NFASC: variants seen among roughly 807,000 people sequenced by gnomAD.
NFASC encodes the protein neurofascin.
In NFASC, 43 loss-of-function variants were observed where a neutral mutation model predicts 147.5. That is an observed-to-expected ratio of 0.29 (90% confidence interval 0.23 to 0.38). The LOEUF (loss-of-function observed/expected upper bound fraction) is 0.38. Ranked by LOEUF, NFASC falls within the 10% of genes least tolerant of loss-of-function variation. The pLI is 1.00. For missense variants in NFASC, 1,320 were observed against 1,689.0 expected (o/e 0.78, Z 3.83); for synonymous variants, 622 against 665.5 (o/e 0.93, Z 1.01).
At position 204,884,915 on chromosome 1, in the gene NFASC, G is replaced by A. The variant is rs75472603; in HGVS notation, c.-199-35717G>A. ...GAGAGAGAATCACACAGGAAAGAGA[G>A]GATGTGCCAAACTAAGATTGAGAGA... On this transcript the variant is annotated intron_variant, in intron 1 of 29. Transcript: ENST00000339876. 6.9e-3 allele frequency among the ~76,000 whole-genome samples: 1,057 copies of A among 152,268 alleles called. 6 individuals are homozygous for A. The highest frequency in any genetic ancestry group is 0.012 in the Non-Finnish European group (842 of 68,018).
Position 204,968,314 on chromosome 1 carries a change from G to A in NFASC, c.772G>A (p.Val258Met). 3.1e-6 allele frequency: 5 copies of A among 1,614,224 alleles called. No individual in the cohort carries two copies. The highest frequency in any genetic ancestry group is 4.2e-6 in the Non-Finnish European group (5 of 1,180,036). ...CCAGGGCACCGCGAGCAGCCAGATG[G>A]TGCTTCGTGGCATGGACCTCCTGCT... is the stretch of plus-strand genomic sequence containing the variant. ...YPQGTASSQM[V>M]LRGMDLLLEC... The change falls in exon 9 of 30, where the codon GTG becomes ATG. Residue 258 changes from valine to methionine, a missense_variant. Around this residue, in one of 3 missense-constraint regions of NFASC, gnomAD observed 981 missense variants for 1,289.5 expected, o/e 0.76. Transcript: ENST00000339876. The surrounding 1 kb of genome is among the most constrained non-coding windows in gnomAD (Gnocchi z 5.4).
At chr1:204,978,929 T>C (rs1162560661) in intron 17 of NFASC, 39 bp from the exon 18 acceptor site, 1 of 1,484,750 alleles carries the variant, frequency 6.7e-7, no homozygotes, top group East Asian at 2.5e-5. Context: ...GTGGACCTGC[T>C]CTAACTCAGG....
At chr1:204,953,383 A>G (rs901217087) in intron 5 of NFASC, among the ~76,000 whole-genome samples, 3 of 152,132 alleles carry the variant, frequency 2.0e-5, no homozygotes, top group African/African-American at 7.2e-5. Flanking sequence ...TGCAAGCTCC[A>G]CTTCCCGGGT....
At chr1:204,996,614 T>TA (rs2095849731) in intron 24 of NFASC, among the ~76,000 whole-genome samples, 1 of 152,098 alleles carries the variant, frequency 6.6e-6, no homozygotes, top group Non-Finnish European at 1.5e-5. Flanking sequence ...AGAGTGGAGA[T>TA]TGTTCCCTCT....
At chr1:204,999,974 G>A (rs988899344) in intron 25 of NFASC, 5 of 152,176 alleles carry the variant, frequency 3.3e-5, no homozygotes, top group African/African-American at 9.7e-5. Context: ...GGAAAATGGG[G>A]TAACCAGACT....
chr1:204,883,853 A>T (rs2080802372), intron 1 of NFASC, among the ~76,000 whole-genome samples: 1 of 152,172 alleles, frequency 6.6e-6, no homozygotes, highest in Admixed American at 6.5e-5. Context: ...TGCTGCAGGG[A>T]TGAGTGGTGC....
At chr1:204,843,835 C>T in intron 1 of NFASC, among the ~76,000 whole-genome samples, 1 of 152,076 alleles carries the variant, frequency 6.6e-6, no homozygotes, top group Non-Finnish European at 1.5e-5. Flanking sequence ...CCTTAGCCTC[C>T]CGAGTAGCTG....
At chr1:204,970,342 T>C (rs1416680346) in intron 10 of NFASC, among the ~76,000 whole-genome samples, 1 of 150,746 alleles carries the variant, frequency 6.6e-6, no homozygotes, top group African/African-American at 2.5e-5. Context: ...CATCCCTTTT[T>C]TTAAAAAAAG....
In NFASC at chr1:204,975,369, C is replaced by T. The variant is rs138252161; in HGVS notation, c.1657C>T (p.Leu553Phe). 14 of 1,614,004 alleles carry T rather than the reference C, an allele frequency of 8.7e-6. No homozygotes were observed. The highest frequency in any genetic ancestry group is 1.3e-5 in the African/African-American group (1 of 74,928). ...CRVKHDPSLK[L>F]TVSWLKDDEP... is the part of the protein sequence containing the mutation. Reference sequence around the variant, plus strand: ...GGTGAAGCACGACCCCTCCCTGAAACTCACCGTCTCCTGGCTGAAGGATGA... The same window carrying T: ...GGTGAAGCACGACCCCTCCCTGAAATTCACCGTCTCCTGGCTGAAGGATGA... The change falls in exon 15 of 30, where the codon CTC (leucine) becomes TTC (phenylalanine). Residue 553 changes from leucine to phenylalanine, a missense_variant. By Grantham distance (22) the Leu-to-Phe change is conservative. Coordinates refer to ENST00000339876, the MANE Select transcript of NFASC (RefSeq NM_001005388.3). The surrounding 1 kb of genome is among the most constrained non-coding windows in gnomAD (Gnocchi z 4.0).
rs575185664 is a variant in NFASC at position 204,982,039 on chromosome 1, G to C, written c.2470+19G>C. The C allele has an allele frequency of 6.1e-6, 9 of 1,485,332 alleles. No individual in the cohort carries two copies. Among genetic ancestry groups the C allele is most frequent in the Non-Finnish European group, 8.1e-6 (9 of 1,104,612 alleles). 92.0% of individuals were successfully genotyped at this position (1,485,332 alleles called of 1,614,324 possible). A position where few individuals can be genotyped will look rare whatever the true frequency, so the allele number is the denominator to read the frequency against. Reference sequence around the variant, plus strand: ...GAAGATTGTGAGTAGTCTCCTCCCCGTCCCCCCATCAGGACCCTTGTGGCT... The same window carrying C: ...GAAGATTGTGAGTAGTCTCCTCCCCCTCCCCCCATCAGGACCCTTGTGGCT... On this transcript the variant is annotated intron_variant, in intron 21 of 29. Coordinates refer to ENST00000339876, the MANE Select transcript of NFASC (RefSeq NM_001005388.3).
In NFASC at chr1:204,865,508, C is replaced by T. The variant is rs1413041978; in HGVS notation, c.-200+36726C>T. On this transcript the variant is annotated intron_variant, in intron 1 of 29. Transcript: ENST00000339876. ...TCTTTTGATGTGGAAATACAGTTTT[C>T]CTAGCACCATTTGTTGAAGAAACTG... Among the ~76,000 whole-genome samples, 6 of 152,266 alleles carry T rather than the reference C, an allele frequency of 3.9e-5. No homozygotes were observed. In the South Asian group the frequency reaches 8.3e-4, roughly 21 times the overall value.
At position 205,016,467 on chromosome 1, in the gene NFASC, C is replaced by A; in HGVS notation, c.3651C>A (p.Asp1217Glu). 1 of 1,614,080 alleles carries A rather than the reference C, an allele frequency of 6.2e-7. No homozygotes were observed. Among genetic ancestry groups the A allele is most frequent in the Non-Finnish European group, 8.5e-7 (1 of 1,180,026 alleles). The part of the protein sequence containing the change: ...SFIGQYTVKK[D>E]KEETEGNESS... ...TCGGCCAGTACACGGTCAAAAAGGA[C>A]AAGGAGGAAACAGAGGGCAACGAAA... Residue 1217 changes from aspartate (D) to glutamate (E), a missense_variant, in exon 30 of 30, where the codon GAC (aspartate) becomes GAA (glutamate). Coordinates refer to ENST00000339876, the MANE Select transcript of NFASC (RefSeq NM_001005388.3). This position sits in a 1 kb window ranked among gnomAD's most constrained non-coding sequence, Gnocchi z 5.1.
rs1574317813 is a variant in NFASC at position 204,997,327 on chromosome 1, T to C, written c.2940T>C (p.Thr980=). The stretch of plus-strand genomic sequence containing the variant: ...CCACCACCACCACCGTCGCCACAAC[T>C]ACTACAACCACTGCTGCCGCCACCA... The part of the protein sequence containing the change: ...TIATTTTVAT[T]TTTTAAATTT... The change falls in exon 25 of 30, where the codon ACT becomes ACC. Residue 980 remains threonine, a synonymous_variant. Transcript: ENST00000339876. 1.9e-6 allele frequency: 3 copies of C among 1,575,972 alleles called. No individual in the cohort carries two copies. In the East Asian group the frequency reaches 7.1e-5, roughly 37 times the overall value.
chr1:204,994,531 G>A (rs914431806), intron 24 of NFASC, among the ~76,000 whole-genome samples: 2 of 152,168 alleles, frequency 1.3e-5, no homozygotes, highest in Non-Finnish European at 2.9e-5. Flanking sequence ...TAAAGCTTTG[G>A]GGAAGACTGA....
chr1:204,856,445 CAT>C (rs1345209124), intron 1 of NFASC, among the ~76,000 whole-genome samples: 1 of 149,484 alleles, frequency 6.7e-6, no homozygotes, highest in Non-Finnish European at 1.5e-5. Flanking sequence ...GTCTGCCAAA[CAT>C]ATGTAAAAAA....
chr1:204,946,873 G>T (rs994273388), intron 3 of NFASC: 9 of 459,744 alleles, frequency 2.0e-5, no homozygotes, highest in Admixed American at 1.1e-4. Flanking sequence ...GCCCTGGACC[G>T]CCTCATGGTG....
At chr1:204,950,686 A>G (rs2094043441) in intron 4 of NFASC, 112 bp downstream of exon 4, 1 of 947,866 alleles carries the variant, frequency 1.1e-6, no homozygotes, top group Non-Finnish European at 1.7e-6. Flanking sequence ...GGGCCTCTTC[A>G]TACCAGAGCC....
At chr1:204,966,186 C>T (rs2094937829) in intron 8 of NFASC, among the ~76,000 whole-genome samples, 1 of 152,170 alleles carries the variant, frequency 6.6e-6, no homozygotes, top group African/African-American at 2.4e-5. Context: ...GCTGTAACCT[C>T]TTTATAGTCA....
chr1:204,983,661 G>A (rs998041155), intron 21 of NFASC, among the ~76,000 whole-genome samples: 2 of 152,158 alleles, frequency 1.3e-5, no homozygotes, highest in Non-Finnish European at 2.9e-5. Flanking sequence ...AACCCATCTG[G>A]AAGCCTGAGA....
Sources: gnomAD v4.1 joint callset for allele counts (sites outside exome capture counted in the v4.1 genomes callset) on GRCh38, gnomAD v4.1.1 for gene constraint, gnomAD v4.1.1 regional missense constraint, Gnocchi (gnomAD v3.1) non-coding constraint, MANE v1.5 for transcripts, NCBI Gene and HGNC (gene_info 2026-07-23, HGNC 2026-07-21) for gene names.